OR2L13: variants seen among roughly 807,000 people sequenced by gnomAD.
The protein encoded by OR2L13 is olfactory receptor 2L13.
In OR2L13, 14 loss-of-function variants were observed where a neutral mutation model predicts 15.3. The ratio of observed to expected loss-of-function variants is 0.91; its 90% CI spans 0.60 to 1.43. The LOEUF (loss-of-function observed/expected upper bound fraction) is 1.43. Ranked by LOEUF, OR2L13 falls within the 40% of genes most tolerant of loss-of-function variation. OR2L13 has a pLI of 0.00. For missense variants in OR2L13, 367 were observed against 387.9 expected, an observed-to-expected ratio of 0.95 and a Z score of 0.45; for synonymous variants, 152 against 142.9, an observed-to-expected ratio of 1.06 and a Z score of -0.45.
chr1:248,066,439 C>T, the OR2L13 span, among the ~76,000 whole-genome samples: 4 of 152,036 alleles, frequency 2.6e-5, no homozygotes, highest in African/African-American at 9.6e-5. Flanking sequence ...TTTTACTTGC[C>T]TTTAAAATCT....
At chr1:248,077,415 T>A in the OR2L13 span, among the ~76,000 whole-genome samples, 1 of 152,222 alleles carries the variant, frequency 6.6e-6, no homozygotes, top group Non-Finnish European at 1.5e-5. Context: ...TCAGAAGGAA[T>A]GGTACCAGCT....
At chr1:247,990,153 C>T in the OR2L13 span, 1 of 515,552 alleles carries the variant, frequency 1.9e-6, no homozygotes, top group Non-Finnish European at 3.6e-6. Context: ...AGTGTAAACC[C>T]CAATTTCAGG....
At chr1:248,052,399 G>C in the OR2L13 span, among the ~76,000 whole-genome samples, 1 of 152,136 alleles carries the variant, frequency 6.6e-6, no homozygotes, top group African/African-American at 2.4e-5. Context: ...TTGCCACATT[G>C]TTTTGATTAC....
chr1:248,072,462 A>C, the OR2L13 span, among the ~76,000 whole-genome samples: 5 of 152,300 alleles, frequency 3.3e-5, 2 homozygotes, highest in African/African-American at 1.2e-4. Context: ...CTTACACCTT[A>C]TACAAAAATT....
chr1:247,942,539 C>A, the OR2L13 span, among the ~76,000 whole-genome samples: 1 of 151,882 alleles, frequency 6.6e-6, no homozygotes. Flanking sequence ...CTTATTGATT[C>A]CTAATGACAT....
the OR2L13 span, chr1:248,021,862 G>C: frequency 9.3e-7 from 1 of 1,080,780 alleles, no homozygotes; most frequent in South Asian, 1.5e-5. Context: ...TGGAGGCCTT[G>C]GAATGCAACC....
At chr1:248,080,473 T>A in the OR2L13 span, among the ~76,000 whole-genome samples, 1 of 152,140 alleles carries the variant, frequency 6.6e-6, no homozygotes, top group African/African-American at 2.4e-5. Flanking sequence ...TTCCCCTCCA[T>A]GTGTCCATGT....
At chr1:247,965,385 A>G in the OR2L13 span, 4 of 1,609,200 alleles carry the variant, frequency 2.5e-6, no homozygotes, top group Non-Finnish European at 8.5e-7. Flanking sequence ...CCATGAAAAC[A>G]GGAAATCAAA....
the OR2L13 span, among the ~76,000 whole-genome samples, chr1:248,077,476 C>G: frequency 2.3e-3 from 344 of 152,216 alleles, 3 homozygotes; most frequent in Non-Finnish European, 2.0e-3. Context: ...TGGTCCTGGA[C>G]TTTTTTTGGT....
the OR2L13 span, among the ~76,000 whole-genome samples, chr1:247,947,805 A>G: frequency 6.6e-6 from 1 of 152,226 alleles, no homozygotes; most frequent in Non-Finnish European, 1.5e-5. Flanking sequence ...TAGGTTTCTA[A>G]ATAGGAGGAC....
At chr1:248,018,619 C>T in the OR2L13 span, among the ~76,000 whole-genome samples, 2 of 152,102 alleles carry the variant, frequency 1.3e-5, no homozygotes, top group African/African-American at 4.8e-5. Context: ...AATTTCAGTA[C>T]ATTTAAATGT....
the OR2L13 span, among the ~76,000 whole-genome samples, chr1:248,046,547 G>A: frequency 6.6e-6 from 1 of 152,114 alleles, no homozygotes; most frequent in Admixed American, 6.5e-5. Flanking sequence ...GACATGCCTT[G>A]AAACATCTAA....
chr1:248,098,106 T>C (rs769200566), intron 1 of OR2L13, among the ~76,000 whole-genome samples: 1 of 152,228 alleles, frequency 6.6e-6, no homozygotes, highest in Admixed American at 6.5e-5. Context: ...TGGAATACTT[T>C]TTGAATTCCT....
At chr1:247,985,674 G>A in the OR2L13 span, among the ~76,000 whole-genome samples, 4 of 152,164 alleles carry the variant, frequency 2.6e-5, no homozygotes, top group Admixed American at 1.3e-4. Context: ...AGACCCCTGA[G>A]GAATCGCCAC....
At chr1:247,975,565 T>C in the OR2L13 span, 7 of 1,297,276 alleles carry the variant, frequency 5.4e-6, no homozygotes, top group Non-Finnish European at 7.8e-6. Context: ...CATCCTCACC[T>C]CAATGCTCAA....
At chr1:247,987,647 C>T in the OR2L13 span, among the ~76,000 whole-genome samples, 2 of 152,100 alleles carry the variant, frequency 1.3e-5, no homozygotes, top group Non-Finnish European at 2.9e-5. Flanking sequence ...AATTTCTTAC[C>T]AGTCTTGCCC....
chr1:248,060,918 G>C, the OR2L13 span: 1 of 1,613,906 alleles, frequency 6.2e-7, no homozygotes, highest in Non-Finnish European at 8.5e-7. Flanking sequence ...TTGTTCCTAA[G>C]ATGGCATCTG....
chr1:248,010,766 T>G, the OR2L13 span, among the ~76,000 whole-genome samples: 11 of 108,746 alleles, frequency 1.0e-4, no homozygotes, highest in East Asian at 3.1e-4. Flanking sequence ...TGTTGTTGTT[T>G]TTTTTTTTTT....
chr1:248,070,119 G>A, the OR2L13 span, among the ~76,000 whole-genome samples: 2 of 152,258 alleles, frequency 1.3e-5, no homozygotes, highest in African/African-American at 4.8e-5. Context: ...TCTGGACCAA[G>A]CAGACCTAAT....
Sources: gnomAD v4.1 joint callset for allele counts (sites outside exome capture counted in the v4.1 genomes callset) on GRCh38, gnomAD v4.1.1 for gene constraint, MANE v1.5 for transcripts, NCBI Gene and HGNC (gene_info 2026-07-23, HGNC 2026-07-21) for gene names.